SLC12A5: variants seen among roughly 807,000 people sequenced by gnomAD.
The protein encoded by SLC12A5 is K-Cl cotransporter 2.
Under a neutral mutation model 124.0 loss-of-function variants are expected in SLC12A5, and 18 were observed. The ratio of observed to expected loss-of-function variants is 0.15; its 90% CI spans 0.10 to 0.22. SLC12A5 has a LOEUF of 0.22. Among genes scored for constraint, SLC12A5 ranks in the 10% least tolerant of loss-of-function variants. The probability of loss-of-function intolerance (pLI) is 1.00; values close to 1 mark genes in which losing one functional copy is unlikely to be tolerated. For missense variants in SLC12A5, 867 were observed against 1,478.7 expected, an observed-to-expected ratio of 0.59 and a Z score of 6.78; for synonymous variants, 589 against 568.0, an observed-to-expected ratio of 1.04 and a Z score of -0.53.
At chr20:46,040,804 G>A in intron 7 of SLC12A5, 190 bp downstream of exon 7, 1 of 847,972 alleles carries the variant, frequency 1.2e-6, no homozygotes, top group Non-Finnish European at 1.8e-6. Context: ...TAACTTTTCT[G>A]GAGGAGGGAA....
At chr20:46,027,027 G>T (rs1756943242), upstream of SLC12A5, among the ~76,000 whole-genome samples, 1 of 152,216 alleles carries the variant, frequency 6.6e-6, no homozygotes, top group Non-Finnish European at 1.5e-5. Flanking sequence ...TCATTCTACA[G>T]CACTTCTCTG....
chr20:46,033,534 C>A (rs2084471913), intron 1 of SLC12A5, among the ~76,000 whole-genome samples: 1 of 152,114 alleles, frequency 6.6e-6, no homozygotes, highest in East Asian at 1.9e-4. Flanking sequence ...ACATAGCTTA[C>A]CCCCATCTCT....
chr20:46,026,781 A>G (rs1212487293), upstream of SLC12A5, among the ~76,000 whole-genome samples: 1 of 152,190 alleles, frequency 6.6e-6, no homozygotes, highest in Admixed American at 6.5e-5. Context: ...ATATGACAGA[A>G]CCACTATCTC....
rs781618113 is a variant in SLC12A5, at chr20:46,046,392, G to A, written c.1743G>A (p.Leu581=). 2 of 1,614,048 alleles carry A rather than the reference G, an allele frequency of 1.2e-6. No homozygotes were observed. The highest frequency in any genetic ancestry group is 1.7e-6 in the Non-Finnish European group (2 of 1,180,018). Residue 581 remains leucine, a synonymous_variant, in exon 14 of 26, where the codon CTG becomes CTA. Coordinates refer to ENST00000243964, the MANE Select transcript of SLC12A5 (RefSeq NM_020708.5). ...ATCTGGCCTGTGCAGTGCAGACGCT[G>A]CTGAGGACACCCAACTGGAGGCCAC... ...FVNLACAVQT[L]LRTPNWRPRF... is the part of the protein sequence containing the mutation.
chr20:46,038,917 G>A (rs911531704), intron 6 of SLC12A5, among the ~76,000 whole-genome samples: 2 of 152,192 alleles, frequency 1.3e-5, no homozygotes, highest in Non-Finnish European at 1.5e-5. Flanking sequence ...GCCTGAGGAG[G>A]CAAATGATGA....
rs2084731218 is a variant in SLC12A5, at chr20:46,059,446, CCCCT to C, written c.*1842_*1845del. Reference sequence around the variant, plus strand: ...GAAGCTGGAGGTGTTAGACACCAGCCCCCTGCATCCTTCAGTAGACCTCCCTCTG... The same window carrying C: ...GAAGCTGGAGGTGTTAGACACCAGCCGCATCCTTCAGTAGACCTCCCTCTG... On this transcript the variant is annotated 3_prime_UTR_variant, in exon 26 of 26. Coordinates refer to ENST00000243964, the MANE Select transcript of SLC12A5 (RefSeq NM_020708.5). The C allele has an allele frequency of 2.5e-6, 1 of 397,894 alleles. No individual in the cohort carries two copies. The highest frequency in any genetic ancestry group is 4.4e-6 in the Non-Finnish European group (1 of 225,716). 24.6% of individuals were successfully genotyped at this position (397,894 alleles called of 1,614,324 possible). A position where few individuals can be genotyped will look rare whatever the true frequency, so the allele number is the denominator to read the frequency against.
chr20:46,025,776 A>G (rs918904941), upstream of SLC12A5, among the ~76,000 whole-genome samples: 4 of 152,116 alleles, frequency 2.6e-5, no homozygotes, highest in Admixed American at 2.0e-4. Context: ...ATTCACTGCT[A>G]CAGTTTTGGG....
At position 46,045,966 on chromosome 20, in the gene SLC12A5, C is replaced by G; in HGVS notation, c.1658C>G (p.Ser553Cys). The G allele has an allele frequency of 6.2e-7, 1 of 1,614,180 alleles. No homozygotes were observed. Among genetic ancestry groups the G allele is most frequent in the Non-Finnish European group, 8.5e-7 (1 of 1,180,026 alleles). ...CICEIGILIA[S>C]LDEVAPILSM... ...TGCGAGATTGGCATCCTCATTGCAT[C>G]CCTCGACGAGGTGGCCCCCATCCTC... The change falls in exon 13 of 26, where the codon TCC (serine) becomes TGC (cysteine). Residue 553 changes from serine to cysteine, a missense_variant. Physicochemically the swap from Ser to Cys is moderately radical, Grantham distance 112. This residue lies in a region of SLC12A5 where 152 missense variants were observed against 358.7 expected (regional missense o/e 0.42). Transcript: ENST00000243964. This position sits in a 1 kb window ranked among gnomAD's most constrained non-coding sequence, Gnocchi z 4.9.
chr20:46,027,556 A>G (rs1273155139), upstream of SLC12A5: 2 of 152,242 alleles, frequency 1.3e-5, no homozygotes, highest in Non-Finnish European at 2.9e-5. Context: ...GCAAGCCAAG[A>G]GTCCATTCTA....
chr20:46,040,546 T>A lies in SLC12A5; in HGVS notation c.786T>A (p.Cys262Ter). 1 of 1,614,234 alleles carries A rather than the reference T, an allele frequency of 6.2e-7. No homozygotes were observed. The highest frequency in any genetic ancestry group is 8.5e-7 in the Non-Finnish European group (1 of 1,180,040). ...AGTTTGCCCTTGTCTTCCTGGGTTGTGTCATCCTCTCCATCCTGGCCATCT... is the reference window on the plus strand; with the variant it reads ...AGTTTGCCCTTGTCTTCCTGGGTTGAGTCATCCTCTCCATCCTGGCCATCT... The part of the protein sequence containing the change: ...VNKFALVFLG[C>*]VILSILAIYA... Residue 262 changes from cysteine (C) to a stop codon, truncating the protein, a stop_gained, in exon 7 of 26, where the codon TGT becomes TGA. Transcript: ENST00000243964. LOFTEE classifies it high-confidence loss of function.
intron 2 of SLC12A5, 144 bp from the exon 3 acceptor site, chr20:46,035,260 C>G (rs985327216): frequency 2.6e-6 from 3 of 1,132,148 alleles, no homozygotes; most frequent in Non-Finnish European, 3.9e-6. Flanking sequence ...CCCTGTTCTC[C>G]TCACCTGTTC....
chr20:46,043,834 G>C (rs1412717590), intron 10 of SLC12A5, 42 bp from the exon 11 acceptor site: 2 of 1,613,682 alleles, frequency 1.2e-6, no homozygotes, highest in East Asian at 2.2e-5. Flanking sequence ...TGGGGAGGGG[G>C]AGGACTGAAC....
chr20:46,053,380 C>T lies in SLC12A5; in HGVS notation c.2548-198C>T, dbSNP rs2084663049. On this transcript the variant is annotated intron_variant, in intron 19 of 25. Coordinates refer to ENST00000243964, the MANE Select transcript of SLC12A5 (RefSeq NM_020708.5). This position sits in a 1 kb window ranked among gnomAD's most constrained non-coding sequence, Gnocchi z 4.7. ...CAATGCTTAGCCCAAGCCAGTGATG[C>T]TTTCTTTAATGGGGGACCCTCAGAC... Among the ~76,000 whole-genome samples, 1 of 152,172 alleles carries T rather than the reference C, an allele frequency of 6.6e-6. No individual in the cohort carries two copies.
At chr20:46,029,947 G>A (rs1453392929) in intron 1 of SLC12A5, among the ~76,000 whole-genome samples, 1 of 150,664 alleles carries the variant, frequency 6.6e-6, no homozygotes, top group Non-Finnish European at 1.5e-5. Flanking sequence ...TGTGTAGGGG[G>A]TTTGGAGCCA....
intron 8 of SLC12A5, among the ~76,000 whole-genome samples, chr20:46,042,332 G>A (rs879452705): frequency 6.6e-6 from 1 of 152,180 alleles, no homozygotes; most frequent in South Asian, 2.1e-4. Flanking sequence ...TAATGTGGAT[G>A]GGTTAAAGGG....
In SLC12A5 at chr20:46,048,099, G is replaced by T. The variant is rs1180929890; in HGVS notation, c.2012+14G>T. 1.1e-5 allele frequency: 18 copies of T among 1,599,074 alleles called. No homozygotes were observed. The Admixed American group carries it at 2.6e-4, about 23-fold the overall frequency. On this transcript the variant is annotated intron_variant, in intron 16 of 25. Transcript: ENST00000243964. ...CAAGAACTGGAGGTTAGTGGTGAGG[G>T]CACGGGTGTGCATAAGAGTGTGTGT...
At chr20:46,037,434 T>C (rs2084508371) in intron 6 of SLC12A5, 49 bp downstream of exon 6, 1 of 1,566,594 alleles carries the variant, frequency 6.4e-7, no homozygotes, top group Non-Finnish European at 8.7e-7. Context: ...GTCAGTCAGT[T>C]AATCAGTGCT....
At position 46,056,266 on chromosome 20, in the gene SLC12A5, G is replaced by A. The variant is rs560914326; in HGVS notation, c.2904G>A (p.Glu968=). 6.2e-7 allele frequency: 1 copy of A among 1,614,190 alleles called. No individual in the cohort carries two copies. The highest frequency in any genetic ancestry group is 1.1e-5 in the South Asian group (1 of 91,090). The part of the protein sequence containing the change: ...ETAGDSEEKP[E]EEVQLIHDQS... ...CTGGTGACAGTGAAGAGAAGCCAGA[G>A]GAGGAGGTGTGCAGCTTGGGTGGTT... is the stretch of plus-strand genomic sequence containing the variant. The change falls in exon 22 of 26, where the codon GAG becomes GAA. Residue 968 remains glutamate (E), a synonymous_variant. Transcript: ENST00000243964. This position sits in a 1 kb window ranked among gnomAD's most constrained non-coding sequence, Gnocchi z 4.3.
intron 1 of SLC12A5, chr20:46,021,979 A>C: frequency 1.9e-5 from 22 of 1,132,082 alleles, no homozygotes; most frequent in South Asian, 3.5e-5. Context: ...CAGGGCCAAG[A>C]CCGGGGGCGG....
Sources: gnomAD v4.1 joint callset for allele counts (sites outside exome capture counted in the v4.1 genomes callset) on GRCh38, gnomAD v4.1.1 for gene constraint, gnomAD v4.1.1 regional missense constraint, Gnocchi (gnomAD v3.1) non-coding constraint, MANE v1.5 for transcripts, NCBI Gene and HGNC (gene_info 2026-07-23, HGNC 2026-07-21) for gene names.